Variants in RXRA observed in about 807,000 individuals in gnomAD.
RXRA encodes the protein retinoic acid receptor RXR-alpha.
In RXRA, 5 loss-of-function variants were observed where a neutral mutation model predicts 44.5. That is an observed-to-expected ratio of 0.11 (90% CI 0.06 to 0.24). RXRA has a LOEUF of 0.24. RXRA is among the 10% of genes least tolerant of loss of function. The pLI, the probability that RXRA is intolerant of heterozygous loss-of-function variation, is 1.00. For synonymous variants in RXRA, 291 were observed against 271.4 expected, an observed-to-expected ratio of 1.07 and a Z score of -0.71; for missense variants, 412 against 646.5, an observed-to-expected ratio of 0.64 and a Z score of 3.93.
At position 134,429,195 on chromosome 9, in the gene RXRA, A is replaced by C. The variant is rs1365377025; in HGVS notation, c.998A>C (p.His333Pro). 1 of 1,612,808 alleles carries C rather than the reference A, an allele frequency of 6.2e-7. No individual in the cohort carries two copies. The highest frequency in any genetic ancestry group is 8.5e-7 in the Non-Finnish European group (1 of 1,179,938). The change falls in exon 7 of 10, where the codon CAC becomes CCC. Residue 333 changes from histidine (H) to proline (P), a missense_variant. Around this residue, in one of 4 missense-constraint regions of RXRA, gnomAD observed 141 missense variants for 270.8 expected, o/e 0.52. Coordinates refer to ENST00000481739, the MANE Select transcript of RXRA (RefSeq NM_002957.6). The stretch of plus-strand genomic sequence containing the variant: ...CTCCTGGCCACCGGGCTGCACGTCC[A>C]CCGGAACAGCGCCCACAGCGCAGGG... Reference protein sequence around the residue: ...GILLATGLHVHRNSAHSAGVG... With the variant: ...GILLATGLHVPRNSAHSAGVG...
chr9:134,363,832 G>C (rs879195514), intron 1 of RXRA, among the ~76,000 whole-genome samples: 1 of 152,212 alleles, frequency 6.6e-6, no homozygotes, highest in Admixed American at 6.5e-5. Context: ...GAGGCGTGAC[G>C]TGGGTCTCCT....
intron 1 of RXRA, among the ~76,000 whole-genome samples, chr9:134,355,236 G>A (rs1830268937): frequency 6.6e-6 from 1 of 152,200 alleles, no homozygotes; most frequent in Non-Finnish European, 1.5e-5. Flanking sequence ...GGTGCCAGGT[G>A]TATGAGAAGT....
At position 134,437,866 on chromosome 9, in the gene RXRA, C is replaced by G. The variant is rs878890045; in HGVS notation, c.*1252C>G. On this transcript the variant is annotated 3_prime_UTR_variant, in exon 10 of 10. Coordinates refer to ENST00000481739, the MANE Select transcript of RXRA (RefSeq NM_002957.6). ...CCAGCCTGGTATTGTCCACGGACAG[C>G]GTTGTTCACCCAGAGCCTTACTTGG... The G allele has an allele frequency of 2.0e-5, 3 of 148,822 alleles. No homozygotes were observed. Among genetic ancestry groups the G allele is most frequent in the Admixed American group, 2.0e-4 (3 of 15,000 alleles). 9.2% of individuals were successfully genotyped at this position (148,822 alleles called of 1,614,324 possible). A position where few individuals can be genotyped will look rare whatever the true frequency, so the allele number is the denominator to read the frequency against.
At chr9:134,427,462 C>T (rs1005611302) in intron 6 of RXRA, among the ~76,000 whole-genome samples, 9 of 152,218 alleles carry the variant, frequency 5.9e-5, no homozygotes, top group Admixed American at 5.2e-4. Context: ...CCCGTGGTGC[C>T]GTCTGCATGC....
chr9:134,436,702 C>T lies in RXRA; in HGVS notation c.*88C>T. The T allele has an allele frequency of 6.7e-7, 1 of 1,497,076 alleles. No individual in the cohort carries two copies. Among genetic ancestry groups the T allele is most frequent in the Non-Finnish European group, 9.1e-7 (1 of 1,093,754 alleles). 92.7% of individuals were successfully genotyped at this position (1,497,076 alleles called of 1,614,324 possible). On this transcript the variant is annotated 3_prime_UTR_variant, in exon 10 of 10. Transcript: ENST00000481739. Reference sequence around the variant, plus strand: ...TTCTCAGCCTGAGCCCTGTCCCTGCCCTTCTCTGCCTGGCCTGTTTGGACT... The same window carrying T: ...TTCTCAGCCTGAGCCCTGTCCCTGCTCTTCTCTGCCTGGCCTGTTTGGACT...
intron 1 of RXRA, chr9:134,379,380 G>T: frequency 3.0e-6 from 3 of 987,566 alleles, no homozygotes; most frequent in Non-Finnish European, 3.6e-6. Context: ...CTGTCCTGTG[G>T]TGAGCTGCTT....
intron 1 of RXRA, among the ~76,000 whole-genome samples, chr9:134,398,618 C>T (rs1169528463): frequency 1.3e-5 from 2 of 152,188 alleles, no homozygotes; most frequent in Admixed American, 6.5e-5. Context: ...CCCTGGAAGG[C>T]TGTCCCAGAA....
chr9:134,419,190 C>G (rs1462953059), intron 5 of RXRA, among the ~76,000 whole-genome samples: 1 of 152,230 alleles, frequency 6.6e-6, no homozygotes. Flanking sequence ...GCCTCACCAG[C>G]CTCGCGGAGG....
intron 1 of RXRA, among the ~76,000 whole-genome samples, chr9:134,363,097 A>G (rs1830371932): frequency 6.6e-6 from 1 of 152,202 alleles, no homozygotes. Flanking sequence ...AAGTTCAGTA[A>G]GTTCACTTTC....
chr9:134,429,182 G>A lies in RXRA; in HGVS notation c.985G>A (p.Gly329Arg). 1.9e-6 allele frequency: 3 copies of A among 1,613,018 alleles called. No individual in the cohort carries two copies. The highest frequency in any genetic ancestry group is 1.7e-6 in the Non-Finnish European group (2 of 1,179,966). The change falls in exon 7 of 10, where the codon GGG becomes AGG. Residue 329 changes from glycine (G) to arginine (R), a missense_variant. Transcript: ENST00000481739. ...GAAGGACGGGATCCTCCTGGCCACC[G>A]GGCTGCACGTCCACCGGAACAGCGC... ...AVKDGILLAT[G>R]LHVHRNSAHS... is the part of the protein sequence containing the mutation.
intron 1 of RXRA, among the ~76,000 whole-genome samples, chr9:134,373,544 C>T (rs2119086274): frequency 6.6e-6 from 1 of 152,368 alleles, no homozygotes; most frequent in Non-Finnish European, 1.5e-5. Flanking sequence ...TGACCCAGAT[C>T]TTCCTGTCTA....
intron 5 of RXRA, among the ~76,000 whole-genome samples, chr9:134,418,063 C>T (rs1320678914): frequency 6.6e-6 from 1 of 152,206 alleles, no homozygotes; most frequent in Admixed American, 6.5e-5. Flanking sequence ...ATCTTTGCTT[C>T]TGGCTGTGGC....
chr9:134,384,915 G>T (rs1015330302), intron 1 of RXRA, among the ~76,000 whole-genome samples: 7 of 152,184 alleles, frequency 4.6e-5, no homozygotes, highest in Non-Finnish European at 8.8e-5. Flanking sequence ...GCATGTGGGG[G>T]TGCCATCACA....
At chr9:134,416,280 C>T (rs979442970) in intron 4 of RXRA, among the ~76,000 whole-genome samples, 2 of 152,172 alleles carry the variant, frequency 1.3e-5, no homozygotes, top group Non-Finnish European at 2.9e-5. Flanking sequence ...GCCTCATGCG[C>T]CTGGGCAGCC....
intron 1 of RXRA, among the ~76,000 whole-genome samples, chr9:134,397,046 G>A (rs768472059): frequency 6.6e-5 from 10 of 152,224 alleles, no homozygotes; most frequent in African/African-American, 9.6e-5. Context: ...GGCAGAGGCC[G>A]GAAGGGAGTT....
chr9:134,387,964 G>T (rs1375116256), intron 1 of RXRA, among the ~76,000 whole-genome samples: 1 of 152,168 alleles, frequency 6.6e-6, no homozygotes, highest in African/African-American at 2.4e-5. Context: ...GACATTGGGG[G>T]GTTTGAATTC....
intron 6 of RXRA, chr9:134,424,197 C>T (rs1831396305): frequency 1.0e-6 from 1 of 985,290 alleles, no homozygotes; most frequent in Admixed American, 6.1e-5. Flanking sequence ...TGCCTGTGGT[C>T]TCCCTGCAGC....
intron 4 of RXRA, among the ~76,000 whole-genome samples, chr9:134,412,096 C>T (rs1438981181): frequency 1.3e-5 from 2 of 152,244 alleles, no homozygotes; most frequent in Non-Finnish European, 2.9e-5. Flanking sequence ...GGGCAAACCA[C>T]TGCAAGGCAG....
chr9:134,423,159 T>G (rs1056258071), intron 6 of RXRA: 4 of 985,298 alleles, frequency 4.1e-6, no homozygotes, highest in Non-Finnish European at 4.8e-6. Context: ...GGCTGGTTCT[T>G]GCCGAGTCAG....
Sources: allele counts gnomAD v4.1 joint callset (sites outside exome capture counted in the v4.1 genomes callset), GRCh38; gene constraint gnomAD v4.1.1; regional missense constraint gnomAD v4.1.1; transcripts MANE v1.5; gene names NCBI Gene and HGNC (gene_info 2026-07-23, HGNC 2026-07-21).